INKA2: variants seen among roughly 807,000 people sequenced by gnomAD.
INKA2 encodes inka box actin regulator 2.
A neutral mutation model predicts 9.8 loss-of-function variants in INKA2; 3 were observed. That is an observed-to-expected ratio of 0.31 (90% CI 0.14 to 0.79). The LOEUF is 0.79. Ranked by LOEUF, INKA2 falls within the 30% of genes least tolerant of loss-of-function variation. The pLI is 0.62. For synonymous variants in INKA2, 147 were observed against 143.3 expected, an observed-to-expected ratio of 1.03 and a Z score of -0.18; for missense variants, 392 against 384.4, an observed-to-expected ratio of 1.02 and a Z score of -0.17.
Position 111,727,333 on chromosome 1 carries a change from T to C in INKA2, c.529A>G (p.Lys177Glu). The change falls in exon 2 of 2, where the codon AAG (lysine) becomes GAG (glutamate). Residue 177 changes from lysine to glutamate, a missense_variant. Lys to Glu is a moderately conservative substitution (Grantham distance 56, BLOSUM62 1). Transcript: ENST00000357260. ...GNWLDLPELE[K>E]GGEKGETGGA... Reference sequence around the variant, plus strand: ...CCAGTCTCACCCTTCTCCCCACCCTTCTCCAGTTCTGGCAAGTCTAGCCAA... The same window carrying C: ...CCAGTCTCACCCTTCTCCCCACCCTCCTCCAGTTCTGGCAAGTCTAGCCAA... The C allele has an allele frequency of 6.2e-7, 1 of 1,614,034 alleles. No homozygotes were observed. Among genetic ancestry groups the C allele is most frequent in the South Asian group, 1.1e-5 (1 of 91,068 alleles).
Position 111,726,409 on chromosome 1 carries a change from A to G in INKA2, c.*559T>C, listed in dbSNP as rs2101352661. On this transcript the variant is annotated 3_prime_UTR_variant, in exon 2 of 2. Coordinates refer to ENST00000357260, the MANE Select transcript of INKA2 (RefSeq NM_019099.5). ...AACCTCCAAGGCAGAAAGGGCTAGC[A>G]GGTCGGGTTTTGCCTCACTGCTGCT... 1 of 246,800 alleles carries G rather than the reference A, an allele frequency of 4.1e-6. No homozygotes were observed. The allele number at this position is 246,800 out of a possible 1,614,324, so 15.3% of individuals were successfully genotyped here. A position where few individuals can be genotyped will look rare whatever the true frequency, so the allele number is the denominator to read the frequency against.
At chr1:111,755,125 G>GTGA (rs1663502293) in intron 1 of INKA2, 1 of 134,278 alleles carries the variant, frequency 7.4e-6, no homozygotes, top group Non-Finnish European at 1.6e-5. Flanking sequence ...CCCAAGGGAG[G>GTGA]TGCTGCGGAG....
chr1:111,744,570 C>CT (rs3085877), intron 1 of INKA2: 27,535 of 140,950 alleles, frequency 0.2, 2,956 homozygotes, highest in East Asian at 0.3. Context: ...TGCCATCACT[C>CT]TTTTTTTTTT....
upstream of INKA2, among the ~76,000 whole-genome samples, chr1:111,740,619 G>A (rs1663123102): frequency 6.6e-6 from 1 of 152,250 alleles, no homozygotes; most frequent in Non-Finnish European, 1.5e-5. Context: ...CACCAGAGAA[G>A]GCACGAACGG....
intron 1 of INKA2, chr1:111,745,782 G>T (rs759662949): frequency 1.3e-5 from 2 of 152,200 alleles, no homozygotes; most frequent in Non-Finnish European, 2.9e-5. Flanking sequence ...CAGAGGCCCA[G>T]TGCTGGCTGC....
intron 1 of INKA2, among the ~76,000 whole-genome samples, chr1:111,728,219 T>G (rs1662835827): frequency 6.6e-6 from 1 of 152,190 alleles, no homozygotes. Context: ...CTCATCCTTT[T>G]TTGAGTCTGA....
At chr1:111,748,140 C>T (rs937266646) in intron 1 of INKA2, among the ~76,000 whole-genome samples, 4 of 152,168 alleles carry the variant, frequency 2.6e-5, no homozygotes, top group East Asian at 1.9e-4. Flanking sequence ...AGGTGGGCTG[C>T]GCTAGGCTAG....
At chr1:111,738,059 T>C (rs1462061219) in intron 1 of INKA2, among the ~76,000 whole-genome samples, 8 of 152,178 alleles carry the variant, frequency 5.3e-5, no homozygotes, top group African/African-American at 1.7e-4. Context: ...AGGCCTGCTG[T>C]TGTGTGGCCT....
In INKA2 at chr1:111,748,762, T is replaced by C. The variant is rs555230554; in HGVS notation, n.124+6939A>G. On this transcript the variant is annotated intron_variant and non_coding_transcript_variant, in intron 1 of 1. Coordinates refer to the INKA2 transcript ENST00000444059. Reference sequence around the variant, plus strand: ...AGGTTCTGGGAGAGGTTTGATTTAATCAACCCAGTTGCTGTATCCATCCTG... The same window carrying C: ...AGGTTCTGGGAGAGGTTTGATTTAACCAACCCAGTTGCTGTATCCATCCTG... Among the ~76,000 whole-genome samples, 11 of 152,308 alleles carry C rather than the reference T, an allele frequency of 7.2e-5. No homozygotes were observed. In the South Asian group the frequency reaches 1.7e-3, roughly 23 times the overall value.
At chr1:111,739,962 G>C (rs1050226515), upstream of INKA2, 1 of 152,374 alleles carries the variant, frequency 6.6e-6, no homozygotes, top group Middle Eastern at 3.4e-3. Context: ...ACACAAAGCC[G>C]CCGAGGGTCG....
At chr1:111,754,340 A>C (rs116219258) in intron 1 of INKA2, 5 of 152,292 alleles carry the variant, frequency 3.3e-5, no homozygotes, top group African/African-American at 1.2e-4. Flanking sequence ...TTCCAGGCAA[A>C]ATAAACCTTC....
rs141928251 is a variant in INKA2 at position 111,727,216 on chromosome 1, G to T, written c.646C>A (p.Arg216Ser). 5.6e-6 allele frequency: 9 copies of T among 1,614,108 alleles called. No homozygotes were observed. In the East Asian group the frequency reaches 1.3e-4, roughly 24 times the overall value. ...CGGTCACGGTCAGGCCGCACACTAC[G>T]CAAGAACTTCTTAAAGATGTTTGCT... is the stretch of plus-strand genomic sequence containing the variant. ...LTANIFKKFL[R>S]SVRPDRDRLL... Residue 216 changes from arginine (R) to serine (S), a missense_variant, in exon 2 of 2, where the codon CGT (arginine) becomes AGT (serine). Physicochemically the swap from Arg to Ser is moderately radical, Grantham distance 110. Coordinates refer to ENST00000357260, the MANE Select transcript of INKA2 (RefSeq NM_019099.5).
chr1:111,727,058 G>C lies in INKA2; in HGVS notation c.804C>G (p.His268Gln), dbSNP rs1167774937. The change falls in exon 2 of 2, where the codon CAC becomes CAG. Residue 268 changes from histidine to glutamine, a missense_variant. His to Gln is a conservative substitution (Grantham distance 24). Coordinates refer to ENST00000357260, the MANE Select transcript of INKA2 (RefSeq NM_019099.5). ...TTGTGGGGGGATTCTCCCCTCGCCT[G>C]TGCTCCCCGGTGCCTGGGAAGGGGA... is the stretch of plus-strand genomic sequence containing the variant. The part of the protein sequence containing the change: ...GHFPFPGTGE[H>Q]RRGENPPTSC... 1 of 1,613,980 alleles carries C rather than the reference G, an allele frequency of 6.2e-7. No individual in the cohort carries two copies. The highest frequency in any genetic ancestry group is 8.5e-7 in the Non-Finnish European group (1 of 1,180,038).
At chr1:111,753,973 A>C (rs1219004579) in intron 1 of INKA2, 3 of 152,238 alleles carry the variant, frequency 2.0e-5, no homozygotes, top group Non-Finnish European at 4.4e-5. Context: ...CACTTAAGAA[A>C]GATCACTCCA....
chr1:111,750,410 T>C (rs197383), intron 1 of INKA2, among the ~76,000 whole-genome samples: 22,735 of 152,220 alleles, frequency 0.15, 2,109 homozygotes, highest in African/African-American at 0.26. Flanking sequence ...ACATTCTATC[T>C]AGAAGGGCAG....
intron 1 of INKA2, among the ~76,000 whole-genome samples, chr1:111,733,739 G>T (rs1662957675): frequency 6.6e-6 from 1 of 152,206 alleles, no homozygotes. Context: ...GGGGCTCTTT[G>T]TGGTGAGGGA....
intron 1 of INKA2, among the ~76,000 whole-genome samples, chr1:111,750,451 T>C (rs1324994971): frequency 6.6e-6 from 1 of 152,212 alleles, no homozygotes; most frequent in Admixed American, 6.5e-5. Flanking sequence ...TGATACAACA[T>C]AAGTTTATAG....
At chr1:111,740,971 T>TAAA (rs869221820), upstream of INKA2, among the ~76,000 whole-genome samples, 3 of 38,404 alleles carry the variant, frequency 7.8e-5, 1 homozygote, top group African/African-American at 1.3e-4. Context: ...AAACTCCGTT[T>TAAA]AAAAAAAAAA....
rs1219489206 is a variant in INKA2 at position 111,723,764 on chromosome 1, A to G, written c.*3204T>C. The G allele has an allele frequency of 6.6e-6, 1 of 152,276 alleles. No homozygotes were observed. Among genetic ancestry groups the G allele is most frequent in the Non-Finnish European group, 1.5e-5 (1 of 68,090 alleles). 9.4% of individuals were successfully genotyped at this position (152,276 alleles called of 1,614,324 possible). A position where few individuals can be genotyped will look rare whatever the true frequency, so the allele number is the denominator to read the frequency against. ...GCATTTGCATTCACCTCTTCCCTCC[A>G]CTTCAGTAAAATACAGCCTCTGTCA... On this transcript the variant is annotated 3_prime_UTR_variant, in exon 2 of 2. Coordinates refer to ENST00000357260, the MANE Select transcript of INKA2 (RefSeq NM_019099.5).
Sources: gnomAD v4.1 joint callset for allele counts (sites outside exome capture counted in the v4.1 genomes callset) on GRCh38, gnomAD v4.1.1 for gene constraint, MANE v1.5 for transcripts, NCBI Gene and HGNC (gene_info 2026-07-23, HGNC 2026-07-21) for gene names.